TRIP10: variants seen among roughly 807,000 people sequenced by gnomAD.
TRIP10 encodes cdc42-interacting protein 4.
Under a neutral mutation model 80.9 loss-of-function variants are expected in TRIP10, and 54 were observed. The observed-to-expected ratio is 0.67, with a 90% CI of 0.54 to 0.84. The LOEUF is 0.84. TRIP10 is among the 40% of genes least tolerant of loss of function. The pLI is 0.00. For missense variants in TRIP10, 773 were observed against 815.3 expected, an observed-to-expected ratio of 0.95 and a Z score of 0.63; for synonymous variants, 321 against 307.2, an observed-to-expected ratio of 1.04 and a Z score of -0.47.
intron 3 of TRIP10, 67 bp downstream of exon 3, chr19:6,741,348 C>G (rs1380410818): frequency 1.3e-6 from 2 of 1,535,386 alleles, no homozygotes; most frequent in Non-Finnish European, 1.8e-6. Flanking sequence ...CTCACTTCCC[C>G]TCCCTCAGCT....
intron 5 of TRIP10, 48 bp from the exon 6 acceptor site, chr19:6,743,446 T>G (rs556421398): frequency 1.3e-6 from 2 of 1,597,344 alleles, no homozygotes; most frequent in South Asian, 2.2e-5. Flanking sequence ...CCCACCCTGC[T>G]GTCTTTGGGA....
Position 6,745,141 on chromosome 19 carries a change from G to A in TRIP10, c.984+147G>A. On this transcript the variant is annotated intron_variant, in intron 9 of 14. Coordinates refer to ENST00000313244, the MANE Select transcript of TRIP10 (RefSeq NM_001288962.2). The surrounding 1 kb of genome is among the most constrained non-coding windows in gnomAD (Gnocchi z 7.2). ...GCTGCCAGCCCGGACTGGAGGGAAG[G>A]AAGGCGGCCGATTGGCCTGGGAGTC... 2 of 1,142,862 alleles carry A rather than the reference G, an allele frequency of 1.7e-6. No homozygotes were observed. The highest frequency in any genetic ancestry group is 4.0e-5 in the African/African-American group (2 of 50,574). 70.8% of individuals were successfully genotyped at this position (1,142,862 alleles called of 1,614,324 possible). A position where few individuals can be genotyped will look rare whatever the true frequency, so the allele number is the denominator to read the frequency against.
At chr19:6,749,818 A>G (rs960826974) in intron 11 of TRIP10, 116 bp from the exon 12 acceptor site, 2 of 1,431,708 alleles carry the variant, frequency 1.4e-6, no homozygotes, top group East Asian at 2.3e-5. Flanking sequence ...ACCACTGCAC[A>G]CCAGCCTGGG....
At chr19:6,750,224 C>G in intron 12 of TRIP10, 68 bp from the exon 13 acceptor site, 1 of 1,596,272 alleles carries the variant, frequency 6.3e-7, no homozygotes, top group Non-Finnish European at 8.5e-7. Context: ...CTCAGGGAAC[C>G]TCTGGGTCCA....
intron 5 of TRIP10, 40 bp from the exon 6 acceptor site, chr19:6,743,454 G>T (rs200899289): frequency 5.0e-6 from 8 of 1,604,924 alleles, no homozygotes; most frequent in African/African-American, 1.3e-5. Flanking sequence ...GCTGTCTTTG[G>T]GATGGTGGCT....
chr19:6,750,369 C>A lies in TRIP10; in HGVS notation c.1473C>A (p.Asp491Glu), dbSNP rs779758934. 14 of 1,613,954 alleles carry A rather than the reference C, an allele frequency of 8.7e-6. No homozygotes were observed. Among genetic ancestry groups the A allele is most frequent in the Admixed American group, 1.7e-5 (1 of 59,990 alleles). ...TGAGCCGGCACGCCCGGCCTCCCGA[C>A]CCCCCCGCTAGCGCCCCGCCAGACA... ...DSLSRHARPP[D>E]PPASAPPDSS... Residue 491 changes from aspartate to glutamate, a missense_variant, in exon 13 of 15, where the codon GAC (aspartate) becomes GAA (glutamate). By Grantham distance (45) the Asp-to-Glu change is conservative (BLOSUM62 2). Coordinates refer to ENST00000313244, the MANE Select transcript of TRIP10 (RefSeq NM_001288962.2).
At position 6,751,237 on chromosome 19, in the gene TRIP10, G is replaced by A. The variant is rs769654070; in HGVS notation, c.*26G>A. ...ACCCTGCCAGAGACGGGAAGAGGGG[G>A]GCTGTCGGCTGCTGCTTCTGGGCCA... On this transcript the variant is annotated 3_prime_UTR_variant, in exon 15 of 15. Coordinates refer to ENST00000313244, the MANE Select transcript of TRIP10 (RefSeq NM_001288962.2). 6.8e-6 allele frequency: 11 copies of A among 1,613,332 alleles called. 1 individual carries two copies. The highest frequency in any genetic ancestry group is 1.1e-5 in the South Asian group (1 of 91,036).
chr19:6,743,362 C>A, intron 5 of TRIP10, 106 bp downstream of exon 5: 1 of 1,530,848 alleles, frequency 6.5e-7, no homozygotes, highest in Non-Finnish European at 8.9e-7. Context: ...ACCTTCCCTC[C>A]CCCATAGGCT....
Position 6,746,623 on chromosome 19 carries a change from CTTAT to C in TRIP10, c.1262+65_1262+68del, listed in dbSNP as rs1449877095. 4 of 1,175,642 alleles carry C rather than the reference CTTAT, an allele frequency of 3.4e-6. No homozygotes were observed. The highest frequency in any genetic ancestry group is 4.8e-6 in the Non-Finnish European group (4 of 830,630). The allele number at this position is 1,175,642 out of a possible 1,614,324, so 72.8% of individuals were successfully genotyped here. A position where few individuals can be genotyped will look rare whatever the true frequency, so the allele number is the denominator to read the frequency against. ...ATGATAAAATAGTAAATGAACTTCA[CTTAT>C]TTGTTTATTATTTTATTTTATTTAT... is the stretch of plus-strand genomic sequence containing the variant. On this transcript the variant is annotated intron_variant, in intron 11 of 14. Coordinates refer to ENST00000313244, the MANE Select transcript of TRIP10 (RefSeq NM_001288962.2). This position sits in a 1 kb window ranked among gnomAD's most constrained non-coding sequence, Gnocchi z 6.2.
chr19:6,739,920 C>T (rs1024465728), intron 1 of TRIP10, 135 bp downstream of exon 1: 472 of 1,103,614 alleles, frequency 4.3e-4, no homozygotes, highest in Admixed American at 4.9e-4. Context: ...CTCCACCCTC[C>T]GCTCTCTCTC....
chr19:6,748,118 A>G (rs1969189960), intron 11 of TRIP10, among the ~76,000 whole-genome samples: 1 of 152,196 alleles, frequency 6.6e-6, no homozygotes. Flanking sequence ...TTATCTATTT[A>G]ATAGCTCAAA....
intron 12 of TRIP10, 70 bp downstream of exon 12, chr19:6,750,136 G>C: frequency 6.5e-7 from 1 of 1,548,174 alleles, no homozygotes; most frequent in Non-Finnish European, 8.8e-7. Context: ...TGGGGTGGGG[G>C]GTCGGGGACA....
chr19:6,745,005 G>A lies in TRIP10; in HGVS notation c.984+11G>A, dbSNP rs751465791. 1 of 1,610,754 alleles carries A rather than the reference G, an allele frequency of 6.2e-7. No homozygotes were observed. The highest frequency in any genetic ancestry group is 2.2e-5 in the East Asian group (1 of 44,864). ...GGCAAGAAGAACAAGGTGGGGGCCG[G>A]GACCCTTGGGATGGTGGGGGAGAAG... On this transcript the variant is annotated intron_variant, in intron 9 of 14. Transcript: ENST00000313244. This position sits in a 1 kb window ranked among gnomAD's most constrained non-coding sequence, Gnocchi z 7.2.
chr19:6,748,694 G>A (rs1969201228), intron 11 of TRIP10: 1 of 152,192 alleles, frequency 6.6e-6, no homozygotes, highest in African/African-American at 2.4e-5. Flanking sequence ...TCCAGAGGCT[G>A]AGGCACGAGA....
At position 6,751,054 on chromosome 19, in the gene TRIP10, C is replaced by T; in HGVS notation, c.1658-9C>T. 1 of 1,529,616 alleles carries T rather than the reference C, an allele frequency of 6.5e-7. No individual in the cohort carries two copies. Among genetic ancestry groups the T allele is most frequent in the Non-Finnish European group, 8.8e-7 (1 of 1,136,900 alleles). The allele number at this position is 1,529,616 out of a possible 1,614,324, so 94.8% of individuals were successfully genotyped here. On this transcript the variant is annotated splice_polypyrimidine_tract_variant and intron_variant, in intron 14 of 14. Coordinates refer to ENST00000313244, the MANE Select transcript of TRIP10 (RefSeq NM_001288962.2). Reference sequence around the variant, plus strand: ...AGCAGATCTGGGCCCACCCCCACCCCCATCACAGGGTCCAGCGAGGGCACT... The same window carrying T: ...AGCAGATCTGGGCCCACCCCCACCCTCATCACAGGGTCCAGCGAGGGCACT...
At position 6,746,289 on chromosome 19, in the gene TRIP10, G is replaced by A; in HGVS notation, c.1152+93G>A. The A allele has an allele frequency of 6.7e-7, 1 of 1,486,022 alleles. No homozygotes were observed. The highest frequency in any genetic ancestry group is 9.0e-7 in the Non-Finnish European group (1 of 1,111,736). 92.1% of individuals were successfully genotyped at this position (1,486,022 alleles called of 1,614,324 possible). The stretch of plus-strand genomic sequence containing the variant: ...TGGGCTCGCTTCCTGCCGCTGGCTG[G>A]GCCCCTCTTCCCTGGTTGCCCAACC... On this transcript the variant is annotated intron_variant, in intron 10 of 14. Coordinates refer to ENST00000313244, the MANE Select transcript of TRIP10 (RefSeq NM_001288962.2). This position sits in a 1 kb window ranked among gnomAD's most constrained non-coding sequence, Gnocchi z 6.2.
chr19:6,743,720 G>A lies in TRIP10; in HGVS notation c.526G>A (p.Ala176Thr), dbSNP rs1340756692. ...KADVEKAKQQ[A>T]HLRSHMAEES... ...CTGCATTCTTCAGGCCAAGCAGCAAGCCCACCTTCGGAGTCACATGGCCGA... is the reference window on the plus strand; with the variant it reads ...CTGCATTCTTCAGGCCAAGCAGCAAACCCACCTTCGGAGTCACATGGCCGA... The change falls in exon 7 of 15, where the codon GCC becomes ACC. Residue 176 changes from alanine (A) to threonine (T), a missense_variant. Ala to Thr is a moderately conservative substitution (Grantham distance 58, BLOSUM62 0). Coordinates refer to ENST00000313244, the MANE Select transcript of TRIP10 (RefSeq NM_001288962.2). 3.1e-6 allele frequency: 5 copies of A among 1,614,030 alleles called. No individual in the cohort carries two copies. Among genetic ancestry groups the A allele is most frequent in the Non-Finnish European group, 3.4e-6 (4 of 1,179,990 alleles).
chr19:6,745,319 CTCTCCATCCTGCTGA>C lies in TRIP10; in HGVS notation c.984+327_984+341del. 1 of 366,138 alleles carries C rather than the reference CTCTCCATCCTGCTGA, an allele frequency of 2.7e-6. No individual in the cohort carries two copies. The highest frequency in any genetic ancestry group is 4.9e-6 in the Non-Finnish European group (1 of 204,896). The allele number at this position is 366,138 out of a possible 1,614,324, so 22.7% of individuals were successfully genotyped here. ...ATCCCTGGGGACTCCCCGAGTTTCT[CTCTCCATCCTGCTGA>C]TGGGACTCTGGGAGCCGCCCTGCAT... is the stretch of plus-strand genomic sequence containing the variant. On this transcript the variant is annotated intron_variant, in intron 9 of 14. Transcript: ENST00000313244. The surrounding 1 kb of genome is among the most constrained non-coding windows in gnomAD (Gnocchi z 7.2).
At chr19:6,740,694 A>C in intron 1 of TRIP10, 4 of 285,618 alleles carry the variant, frequency 1.4e-5, no homozygotes, top group Non-Finnish European at 2.7e-5. Flanking sequence ...ATCCGGGGGG[A>C]TTAGGGGAGC....
Sources: allele counts gnomAD v4.1 joint callset (sites outside exome capture counted in the v4.1 genomes callset), GRCh38; gene constraint gnomAD v4.1.1; non-coding constraint Gnocchi (gnomAD v3.1); transcripts MANE v1.5; gene names NCBI Gene and HGNC (gene_info 2026-07-23, HGNC 2026-07-21).